PI4KB: variants seen among roughly 807,000 people sequenced by gnomAD.
PI4KB encodes phosphatidylinositol 4-kinase beta.
In PI4KB, 23 loss-of-function variants were observed where a neutral mutation model predicts 81.4. The observed-to-expected ratio is 0.28, with a 90% CI of 0.20 to 0.40. The LOEUF is 0.40. Among genes scored for constraint, PI4KB ranks in the 10% least tolerant of loss-of-function variants. The pLI, the probability that PI4KB is intolerant of heterozygous loss-of-function variation, is 1.00. For missense variants in PI4KB, 651 were observed against 1,036.6 expected (o/e 0.63, Z 5.11); for synonymous variants, 381 against 406.8 (o/e 0.94, Z 0.76).
At chr1:151,315,356 A>G (rs1381221170) in intron 2 of PI4KB, among the ~76,000 whole-genome samples, 1 of 152,178 alleles carries the variant, frequency 6.6e-6, no homozygotes, top group Non-Finnish European at 1.5e-5. Flanking sequence ...GAGGCAACTC[A>G]CTTTATCTCT....
intron 4 of PI4KB, among the ~76,000 whole-genome samples, chr1:151,307,261 T>C (rs988724745): frequency 2.0e-5 from 3 of 152,094 alleles, no homozygotes; most frequent in South Asian, 2.1e-4. Context: ...CCAAGAGTTA[T>C]AGAAAGGCTG....
chr1:151,322,182 T>C (rs1422523950), intron 1 of PI4KB, among the ~76,000 whole-genome samples: 1 of 152,026 alleles, frequency 6.6e-6, no homozygotes, highest in African/African-American at 2.4e-5. Flanking sequence ...AGCTGGCCCC[T>C]AGGAAAAGTT....
chr1:151,306,836 G>C (rs587772963), intron 4 of PI4KB, among the ~76,000 whole-genome samples: 4 of 152,300 alleles, frequency 2.6e-5, no homozygotes, highest in Admixed American at 2.0e-4. Flanking sequence ...TAGCACTTTG[G>C]GGGGCCGAGG....
In PI4KB at chr1:151,292,066, AT is replaced by A. The variant is rs1694316174; in HGVS notation, c.*785del. The A allele has an allele frequency of 1.3e-5, 2 of 152,198 alleles. No homozygotes were observed. Among genetic ancestry groups the A allele is most frequent in the Admixed American group, 1.3e-4 (2 of 15,280 alleles). 9.4% of individuals were successfully genotyped at this position (152,198 alleles called of 1,614,324 possible). A position where few individuals can be genotyped will look rare whatever the true frequency, so the allele number is the denominator to read the frequency against. On this transcript the variant is annotated 3_prime_UTR_variant, in exon 12 of 12. Coordinates refer to ENST00000368873, the MANE Select transcript of PI4KB (RefSeq NM_001369623.2). ...CCTTTTGTATCTTGGACACTGAGGC[AT>A]CCGTTCATACCTCATCACCCATCTC... is the stretch of plus-strand genomic sequence containing the variant.
chr1:151,296,147 G>A (rs1237984032), intron 9 of PI4KB, among the ~76,000 whole-genome samples: 1 of 152,156 alleles, frequency 6.6e-6, no homozygotes, highest in Non-Finnish European at 1.5e-5. Flanking sequence ...TCAGGAGGCT[G>A]AGGTGGGAGA....
intron 2 of PI4KB, among the ~76,000 whole-genome samples, chr1:151,311,297 A>G (rs1438352337): frequency 6.6e-6 from 1 of 152,154 alleles, no homozygotes; most frequent in Non-Finnish European, 1.5e-5. Flanking sequence ...TTAGACTTAA[A>G]AGACAAAGTC....
chr1:151,320,668 T>C (rs79840956), intron 1 of PI4KB, among the ~76,000 whole-genome samples: 5 of 152,162 alleles, frequency 3.3e-5, no homozygotes, highest in African/African-American at 1.2e-4. Flanking sequence ...ACAGGAATAA[T>C]AAGAAGGAAG....
rs587653659 is a variant in PI4KB, at chr1:151,300,357, A to G, written c.1750-1284T>C. On this transcript the variant is annotated intron_variant, in intron 8 of 11. Transcript: ENST00000368873. ...AGCGGTGGCTCATGCCTGTAATTCC[A>G]GCACTTTGGGAGGTGGAGGTGGGCG... 3.9e-5 allele frequency among the ~76,000 whole-genome samples: 6 copies of G among 152,324 alleles called. No homozygotes were observed. In the East Asian group the frequency reaches 1.2e-3, roughly 29 times the overall value.
Position 151,327,295 on chromosome 1 carries a change from G to A in PI4KB, c.-53C>T, listed in dbSNP as rs1378416897. 2.3e-5 allele frequency: 9 copies of A among 395,398 alleles called. No homozygotes were observed. The highest frequency in any genetic ancestry group is 4.4e-5 in the Admixed American group (1 of 22,604). The allele number at this position is 395,398 out of a possible 1,614,324, so 24.5% of individuals were successfully genotyped here. ...CCTCTGGGGGACCCCCGCGGAGGGG[G>A]TGCGGGCAGTCGCGGTTGGACTGCC... On this transcript the variant is annotated 5_prime_UTR_variant, in exon 1 of 12. Transcript: ENST00000368873.
chr1:151,304,158 G>A (rs1164570637), intron 5 of PI4KB, among the ~76,000 whole-genome samples: 1 of 152,050 alleles, frequency 6.6e-6, no homozygotes, highest in Non-Finnish European at 1.5e-5. Context: ...CAGACCCCAA[G>A]GCCCATGTCA....
intron 11 of PI4KB, 106 bp from the exon 12 acceptor site, chr1:151,293,139 A>C: frequency 6.6e-7 from 1 of 1,526,648 alleles, no homozygotes; most frequent in Non-Finnish European, 8.8e-7. Flanking sequence ...TTTTCCTCCC[A>C]CCTCAGGTCC....
intron 3 of PI4KB, among the ~76,000 whole-genome samples, 198 bp downstream of exon 3, chr1:151,310,012 TG>T (rs587593754): frequency 1.1e-3 from 171 of 152,272 alleles, no homozygotes; most frequent in African/African-American, 3.9e-3. Flanking sequence ...CATCTCAGCC[TG>T]GGCTCAGGAT....
At chr1:151,305,209 A>G (rs587659865) in intron 5 of PI4KB, among the ~76,000 whole-genome samples, 236 of 152,090 alleles carry the variant, frequency 1.6e-3, no homozygotes, top group Middle Eastern at 3.4e-3. Context: ...CAAGCGATCC[A>G]CCCACCTCGG....
intron 2 of PI4KB, 97 bp downstream of exon 2, chr1:151,315,476 C>A: frequency 2.5e-6 from 2 of 809,030 alleles, no homozygotes; most frequent in Non-Finnish European, 4.3e-6. Context: ...ACAGGGAGGA[C>A]AGAAAGAACA....
At chr1:151,303,236 T>A (rs1695455947) in intron 6 of PI4KB, 1 of 262,658 alleles carries the variant, frequency 3.8e-6, no homozygotes, top group South Asian at 4.8e-5. Context: ...CCTGACCTCG[T>A]GATCTGCCCG....
chr1:151,317,967 C>T (rs1342470428), intron 1 of PI4KB, among the ~76,000 whole-genome samples: 3 of 152,040 alleles, frequency 2.0e-5, no homozygotes, highest in African/African-American at 7.2e-5. Flanking sequence ...TGCCATCATG[C>T]TCAGCTAATT....
intron 4 of PI4KB, 127 bp downstream of exon 4, chr1:151,307,447 T>G (rs183926646): frequency 3.0e-5 from 19 of 641,050 alleles, no homozygotes; most frequent in Non-Finnish European, 4.8e-5. Context: ...GGTTGACATA[T>G]GCATCATGAA....
At chr1:151,304,878 G>GAC (rs1695623453) in intron 5 of PI4KB, among the ~76,000 whole-genome samples, 1 of 150,440 alleles carries the variant, frequency 6.6e-6, no homozygotes, top group Admixed American at 6.6e-5. Context: ...CACCCAGGCT[G>GAC]AAGTGCAGTG....
At chr1:151,311,653 C>T (rs587689198) in intron 2 of PI4KB, among the ~76,000 whole-genome samples, 33 of 152,316 alleles carry the variant, frequency 2.2e-4, no homozygotes, top group Admixed American at 7.2e-4. Flanking sequence ...CCCTGAGCAA[C>T]GCTCCAGCTG....
Sources: gnomAD v4.1 joint callset for allele counts (sites outside exome capture counted in the v4.1 genomes callset) on GRCh38, gnomAD v4.1.1 for gene constraint, MANE v1.5 for transcripts, NCBI Gene and HGNC (gene_info 2026-07-23, HGNC 2026-07-21) for gene names.